Variants in CHRM1 observed in about 807,000 individuals in gnomAD.
The protein encoded by CHRM1 is muscarinic acetylcholine receptor M1.
CHRM1 carries 5 observed loss-of-function variants against 31.6 expected under a neutral mutation model. That is an observed-to-expected ratio of 0.16 (90% CI 0.08 to 0.33). CHRM1 has a LOEUF of 0.33. CHRM1 is among the 10% of genes least tolerant of loss of function. The pLI, the probability that CHRM1 is intolerant of heterozygous loss-of-function variation, is 1.00. For missense variants in CHRM1, 338 were observed against 610.3 expected, an observed-to-expected ratio of 0.55 and a Z score of 4.70; for synonymous variants, 227 against 249.7, an observed-to-expected ratio of 0.91 and a Z score of 0.86.
rs1316497111 is a variant in CHRM1 at position 62,913,837 on chromosome 11, G to A, written c.-78-2659C>T. The stretch of plus-strand genomic sequence containing the variant: ...TAACAGGAGCCTAGGATCAAGGGAT[G>A]GCTGTTGTCTCCATTTTTTTTTTTT... On this transcript the variant is annotated intron_variant, in intron 1 of 1. Transcript: ENST00000306960. Among the ~76,000 whole-genome samples, 6 of 151,984 alleles carry A rather than the reference G, an allele frequency of 3.9e-5. No individual in the cohort carries two copies. In the South Asian group the frequency reaches 8.3e-4, roughly 21 times the overall value.
chr11:62,909,392 G>A lies in CHRM1; in HGVS notation c.*326C>T, dbSNP rs1268225109. 10 of 343,992 alleles carry A rather than the reference G, an allele frequency of 2.9e-5. No individual in the cohort carries two copies. The highest frequency in any genetic ancestry group is 2.8e-4 in the South Asian group (5 of 17,994). 21.3% of individuals were successfully genotyped at this position (343,992 alleles called of 1,614,324 possible). The stretch of plus-strand genomic sequence containing the variant: ...TGTTAAGCCTTCTTTCTCCTGGCCC[G>A]CCCTGCTGGCTCCTGACTTCCTGCC... On this transcript the variant is annotated 3_prime_UTR_variant, in exon 2 of 2. Transcript: ENST00000306960.
chr11:62,910,206 C>T lies in CHRM1; in HGVS notation c.895G>A (p.Glu299Lys), dbSNP rs541812336. The T allele has an allele frequency of 1.3e-5, 21 of 1,604,922 alleles. No homozygotes were observed. The highest frequency in any genetic ancestry group is 2.7e-5 in the African/African-American group (2 of 74,668). Residue 299 changes from glutamate (E) to lysine (K), a missense_variant, in exon 2 of 2, where the codon GAA becomes AAA. Glu to Lys is a moderately conservative substitution (Grantham distance 56, BLOSUM62 1). This residue lies in a region of CHRM1 where 183 missense variants were observed against 223.4 expected (regional missense o/e 0.82). Coordinates refer to ENST00000306960, the MANE Select transcript of CHRM1 (RefSeq NM_000738.3). The surrounding 1 kb of genome is among the most constrained non-coding windows in gnomAD (Gnocchi z 8.7). ...TSSEGEEPGS[E>K]VVIKMPMVDP... ...ACCATTGGCATCTTGATCACCACTTCGGAGCCAGGCTCCTCTCCCTCTGAG... is the reference window on the plus strand; with the variant it reads ...ACCATTGGCATCTTGATCACCACTTTGGAGCCAGGCTCCTCTCCCTCTGAG...
At chr11:62,920,549 T>C (rs1358959939) in intron 1 of CHRM1, 1 of 152,196 alleles carries the variant, frequency 6.6e-6, no homozygotes, top group Non-Finnish European at 1.5e-5. Flanking sequence ...GAGGGTCCTC[T>C]GGGCCCCTGC....
chr11:62,913,985 C>A (rs1304544924), intron 1 of CHRM1, among the ~76,000 whole-genome samples: 1 of 151,886 alleles, frequency 6.6e-6, no homozygotes, highest in Admixed American at 6.6e-5. Context: ...CTGTGTCACC[C>A]AGGCTGGAGT....
intron 1 of CHRM1, among the ~76,000 whole-genome samples, chr11:62,916,089 C>T (rs894335182): frequency 6.6e-6 from 1 of 152,176 alleles, no homozygotes. Context: ...GGATTATAGG[C>T]ATGAGCCACA....
chr11:62,911,208 G>A, intron 1 of CHRM1, 30 bp from the exon 2 acceptor site: 1 of 1,071,366 alleles, frequency 9.3e-7, no homozygotes, highest in Non-Finnish European at 1.3e-6. Context: ...GCTTTGGTTG[G>A]GCCACTGGAC....
At chr11:62,917,506 C>G (rs1021778941) in intron 1 of CHRM1, among the ~76,000 whole-genome samples, 19 of 152,164 alleles carry the variant, frequency 1.2e-4, no homozygotes, top group African/African-American at 4.1e-4. Context: ...GCTATGTGAC[C>G]TTGGGTAAAT....
At chr11:62,919,852 C>CATGT (rs2085922622) in intron 1 of CHRM1, among the ~76,000 whole-genome samples, 1 of 152,206 alleles carries the variant, frequency 6.6e-6, no homozygotes. Flanking sequence ...CGACCATGAG[C>CATGT]ATGTCCCTTT....
chr11:62,917,989 G>A (rs1425165457), intron 1 of CHRM1: 1 of 152,166 alleles, frequency 6.6e-6, no homozygotes, highest in Non-Finnish European at 1.5e-5. Flanking sequence ...GGACCTTACA[G>A]CTCATCAGCG....
Position 62,909,723 on chromosome 11 carries a change from A to G in CHRM1, c.1378T>C (p.Cys460Arg). Residue 460 changes from cysteine to arginine, a missense_variant, in exon 2 of 2, where the codon TGC becomes CGC. Cys to Arg is a radical substitution (Grantham distance 180). This residue lies in a region of CHRM1 where 68 missense variants were observed against 108.5 expected (regional missense o/e 0.63). Coordinates refer to ENST00000306960, the MANE Select transcript of CHRM1 (RefSeq NM_000738.3). ...GGATGCAGGAGAGGGGACTATCAGC[A>G]TTGGCGGGAGGGAGTGCGGTGCACG... ...GSVHRTPSRQC is the reference protein window; with the variant it reads ...GSVHRTPSRQR 6.2e-7 allele frequency: 1 copy of G among 1,613,724 alleles called. No homozygotes were observed. The highest frequency in any genetic ancestry group is 8.5e-7 in the Non-Finnish European group (1 of 1,179,754).
chr11:62,914,414 G>A (rs923848274), intron 1 of CHRM1, among the ~76,000 whole-genome samples: 2 of 152,112 alleles, frequency 1.3e-5, no homozygotes, highest in Non-Finnish European at 2.9e-5. Context: ...TTGCTAATTC[G>A]AATTCTAAAA....
chr11:62,917,535 G>A (rs2135047388), intron 1 of CHRM1, among the ~76,000 whole-genome samples: 1 of 152,298 alleles, frequency 6.6e-6, no homozygotes, highest in Admixed American at 6.5e-5. Context: ...TGACCTGGTG[G>A]CCCTTCTGTG....
chr11:62,912,398 A>C (rs1191736476), intron 1 of CHRM1, among the ~76,000 whole-genome samples: 1 of 151,474 alleles, frequency 6.6e-6, no homozygotes, highest in Non-Finnish European at 1.5e-5. Flanking sequence ...AAAAGGAAAA[A>C]AAAAAGAAGG....
rs776671102 is a variant in CHRM1 at position 62,910,936 on chromosome 11, C to T, written c.165G>A (p.Glu55=). ...LVLISFKVNT[E]LKTVNNYFLL... is the part of the protein sequence containing the mutation. ...GGAAGTAGTTATTGACTGTCTTGAG[C>T]TCCGTGTTGACCTTGAAAGAGATGA... Residue 55 remains glutamate (E), a synonymous_variant, in exon 2 of 2, where the codon GAG becomes GAA. Coordinates refer to ENST00000306960, the MANE Select transcript of CHRM1 (RefSeq NM_000738.3). This position sits in a 1 kb window ranked among gnomAD's most constrained non-coding sequence, Gnocchi z 8.7. The T allele has an allele frequency of 2.4e-5, 39 of 1,614,188 alleles. No homozygotes were observed. The highest frequency in any genetic ancestry group is 3.3e-5 in the Non-Finnish European group (39 of 1,180,040).
rs769685569 is a variant in CHRM1, at chr11:62,909,760, C to T, written c.1341G>A (p.Lys447=). ...GAGTGCGGTGCACGGAGCCAGGGCG[C>T]TTGGGGATCTTGCGCCAGCGTCTCT... ...WDKRRWRKIP[K]RPGSVHRTPS... Residue 447 remains lysine (K), a synonymous_variant, in exon 2 of 2, where the codon AAG becomes AAA. Transcript: ENST00000306960. 1 of 1,614,004 alleles carries T rather than the reference C, an allele frequency of 6.2e-7. No individual in the cohort carries two copies. The highest frequency in any genetic ancestry group is 1.3e-5 in the African/African-American group (1 of 74,950).
chr11:62,911,533 C>T (rs186191434), intron 1 of CHRM1, among the ~76,000 whole-genome samples: 1 of 152,314 alleles, frequency 6.6e-6, no homozygotes, highest in East Asian at 1.9e-4. Context: ...GCCAAATTCT[C>T]AAAGCATTTC....
chr11:62,920,963 A>G (rs987393068), intron 1 of CHRM1, among the ~76,000 whole-genome samples: 1 of 151,988 alleles, frequency 6.6e-6, no homozygotes, highest in Non-Finnish European at 1.5e-5. Context: ...GGGGATCTCC[A>G]TCTCCTCTGC....
Position 62,910,306 on chromosome 11 carries a change from G to T in CHRM1, c.795C>A (p.Ala265=), listed in dbSNP as rs1470970951. The T allele has an allele frequency of 6.2e-7, 1 of 1,612,092 alleles. No homozygotes were observed. Among genetic ancestry groups the T allele is most frequent in the African/African-American group, 1.3e-5 (1 of 75,068 alleles). ...AGCTGTAGGCCTGCAGCAGCCTGGGGGCCCGGCAGCAGCGACAGCAGCGGC... is the reference window on the plus strand; with the variant it reads ...AGCTGTAGGCCTGCAGCAGCCTGGGTGCCCGGCAGCAGCGACAGCAGCGGC... ...PPGRCCRCCR[A]PRLLQAYSWK... The change falls in exon 2 of 2, where the codon GCC becomes GCA. Residue 265 remains alanine, a synonymous_variant. Coordinates refer to ENST00000306960, the MANE Select transcript of CHRM1 (RefSeq NM_000738.3). This position sits in a 1 kb window ranked among gnomAD's most constrained non-coding sequence, Gnocchi z 8.7.
chr11:62,919,420 C>T (rs2085918570), intron 1 of CHRM1, among the ~76,000 whole-genome samples: 1 of 152,202 alleles, frequency 6.6e-6, no homozygotes, highest in Non-Finnish European at 1.5e-5. Flanking sequence ...TTTGCTCACC[C>T]ATGATGGATC....
Sources: gnomAD v4.1 joint callset for allele counts (sites outside exome capture counted in the v4.1 genomes callset) on GRCh38, gnomAD v4.1.1 for gene constraint, gnomAD v4.1.1 regional missense constraint, Gnocchi (gnomAD v3.1) non-coding constraint, MANE v1.5 for transcripts, NCBI Gene and HGNC (gene_info 2026-07-23, HGNC 2026-07-21) for gene names.